CAMK1D: variants seen among roughly 807,000 people sequenced by gnomAD.
The protein encoded by CAMK1D is calcium/calmodulin-dependent protein kinase type 1D.
Under a neutral mutation model 47.7 loss-of-function variants are expected in CAMK1D, and 9 were observed. The ratio of observed to expected loss-of-function variants is 0.19; its 90% CI spans 0.11 to 0.33. CAMK1D has a LOEUF of 0.33. Among genes scored for constraint, CAMK1D ranks in the 10% least tolerant of loss-of-function variants. The pLI is 1.00. For synonymous variants in CAMK1D, 184 were observed against 184.9 expected, an observed-to-expected ratio of 0.99 and a Z score of 0.04; for missense variants, 291 against 488.7, an observed-to-expected ratio of 0.60 and a Z score of 3.81.
intron 1 of CAMK1D, among the ~76,000 whole-genome samples, chr10:12,351,533 T>A (rs1023113969): frequency 2.0e-5 from 3 of 152,152 alleles, no homozygotes; most frequent in African/African-American, 7.2e-5. Context: ...GTGTGAATGC[T>A]TTCCTGTCCG....
intron 5 of CAMK1D, among the ~76,000 whole-genome samples, chr10:12,790,870 C>G (rs2130997428): frequency 6.6e-6 from 1 of 152,076 alleles, no homozygotes; most frequent in East Asian, 1.9e-4. Context: ...GTGGCATGCA[C>G]CTGTGGTCCC....
intron 1 of CAMK1D, among the ~76,000 whole-genome samples, chr10:12,508,075 C>A (rs565612850): frequency 6.6e-6 from 1 of 152,232 alleles, no homozygotes; most frequent in African/African-American, 2.4e-5. Flanking sequence ...AACGAGCATC[C>A]CGAGACACTT....
chr10:12,609,975 T>C (rs1408922625), intron 2 of CAMK1D, among the ~76,000 whole-genome samples: 3 of 152,166 alleles, frequency 2.0e-5, no homozygotes, highest in African/African-American at 4.8e-5. Flanking sequence ...TGTGCTTCCA[T>C]AAGGATCATT....
chr10:12,486,041 C>T (rs918882900), intron 1 of CAMK1D, among the ~76,000 whole-genome samples: 3 of 152,170 alleles, frequency 2.0e-5, no homozygotes, highest in Non-Finnish European at 2.9e-5. Context: ...TGTTGACGTA[C>T]GCTACAGGTC....
At chr10:12,350,979 C>A (rs554522970) in intron 1 of CAMK1D, among the ~76,000 whole-genome samples, 2 of 152,104 alleles carry the variant, frequency 1.3e-5, no homozygotes, top group Non-Finnish European at 2.9e-5. Flanking sequence ...TTGTTGGGTG[C>A]CCTTTCTTTC....
intron 1 of CAMK1D, among the ~76,000 whole-genome samples, chr10:12,404,033 T>G (rs1296324057): frequency 6.6e-6 from 1 of 151,468 alleles, no homozygotes; most frequent in Non-Finnish European, 1.5e-5. Flanking sequence ...GCATGTAGTT[T>G]TTTGAGCTTT....
intron 3 of CAMK1D, among the ~76,000 whole-genome samples, chr10:12,704,761 T>C (rs972873276): frequency 6.6e-6 from 1 of 152,238 alleles, no homozygotes; most frequent in Non-Finnish European, 1.5e-5. Flanking sequence ...TTCCTTTAAA[T>C]GTTTGAGAAC....
intron 3 of CAMK1D, among the ~76,000 whole-genome samples, chr10:12,740,204 C>T (rs1835369579): frequency 6.6e-6 from 1 of 152,196 alleles, no homozygotes; most frequent in Non-Finnish European, 1.5e-5. Flanking sequence ...CGTGGAAAGG[C>T]ACCCAGAGGC....
At chr10:12,409,546 G>T (rs1415220121) in intron 1 of CAMK1D, among the ~76,000 whole-genome samples, 1 of 152,222 alleles carries the variant, frequency 6.6e-6, no homozygotes, top group Non-Finnish European at 1.5e-5. Context: ...GGCGTCTGGA[G>T]TAGCTAGGAC....
intron 1 of CAMK1D, among the ~76,000 whole-genome samples, chr10:12,530,201 T>G (rs989064464): frequency 6.6e-6 from 1 of 152,200 alleles, no homozygotes; most frequent in South Asian, 2.1e-4. Flanking sequence ...ACTGCCCCCG[T>G]TGAACCCGGA....
chr10:12,450,517 G>T lies in CAMK1D; in HGVS notation c.92+100607G>T, dbSNP rs944844704. On this transcript the variant is annotated intron_variant, in intron 1 of 10. Coordinates refer to ENST00000619168, the MANE Select transcript of CAMK1D (RefSeq NM_153498.4). Reference sequence around the variant, plus strand: ...TGAAATGGAAATCTGGAAGTTATTTGGTTAAGAGAATAAATAGGGATGGGT... The same window carrying T: ...TGAAATGGAAATCTGGAAGTTATTTTGTTAAGAGAATAAATAGGGATGGGT... Among the ~76,000 whole-genome samples, 9 of 152,300 alleles carry T rather than the reference G, an allele frequency of 5.9e-5. No homozygotes were observed. In the South Asian group the frequency reaches 1.0e-3, roughly 18 times the overall value.
intron 1 of CAMK1D, among the ~76,000 whole-genome samples, chr10:12,404,036 TGA>T (rs1357549873): frequency 5.9e-5 from 9 of 151,328 alleles, no homozygotes; most frequent in Non-Finnish European, 1.2e-4. Context: ...TGTAGTTTTT[TGA>T]GCTTTTCTTT....
chr10:12,646,319 C>G (rs1436705136), intron 2 of CAMK1D, among the ~76,000 whole-genome samples: 1 of 152,182 alleles, frequency 6.6e-6, no homozygotes, highest in Non-Finnish European at 1.5e-5. Flanking sequence ...AGCACAATTA[C>G]AAACAAATTT....
chr10:12,801,326 T>TATCTA (rs150163935), intron 6 of CAMK1D, among the ~76,000 whole-genome samples: 1 of 121,148 alleles, frequency 8.3e-6, no homozygotes, highest in African/African-American at 3.8e-5. Context: ...TCTATCTATC[T>TATCTA]ATCTATCTAT....
intron 1 of CAMK1D, among the ~76,000 whole-genome samples, chr10:12,535,825 G>A (rs537381393): frequency 2.0e-4 from 30 of 152,322 alleles, no homozygotes; most frequent in African/African-American, 7.2e-4. Flanking sequence ...ACACTAAGAA[G>A]CAAGTGTAGA....
chr10:12,355,015 T>A (rs556236236), intron 1 of CAMK1D, among the ~76,000 whole-genome samples: 89 of 151,658 alleles, frequency 5.9e-4, no homozygotes, highest in African/African-American at 1.8e-3. Context: ...CTAACTTTTT[T>A]ATTTTTTTGT....
intron 2 of CAMK1D, among the ~76,000 whole-genome samples, chr10:12,641,497 C>T (rs1839664490): frequency 1.3e-5 from 2 of 151,498 alleles, no homozygotes; most frequent in African/African-American, 4.9e-5. Context: ...TGGTGTGCAC[C>T]TGTAGTCCTG....
rs35061502 is a variant in CAMK1D, at chr10:12,548,447, CTT to C, written c.93-4757_93-4756del. On this transcript the variant is annotated intron_variant, in intron 1 of 10. Transcript: ENST00000619168. ...ATAACATAAACTTTACCATTTTAAG[CTT>C]TTTTTTTTTTTTTTTTTTTTGCTGG... 4.5e-3 allele frequency among the ~76,000 whole-genome samples: 366 copies of C among 81,186 alleles called. 1 individual carries two copies. The highest frequency in any genetic ancestry group is 0.015 in the African/African-American group (306 of 20,558). The allele number at this position is 81,186 out of a possible 152,430, so 53.3% of individuals were successfully genotyped here. A position where few individuals can be genotyped will look rare whatever the true frequency, so the allele number is the denominator to read the frequency against.
rs1834217193 is a variant in CAMK1D, at chr10:12,486,406, C to T, written c.93-66819C>T. Among the ~76,000 whole-genome samples the T allele has an allele frequency of 2.0e-5, 3 of 152,284 alleles. No homozygotes were observed. In the South Asian group the frequency reaches 6.2e-4, roughly 32 times the overall value. ...ATCTCCTGACCTCGTGATCTGCCTG[C>T]CTCGGTCTCCCAAAGTGCTGGGACT... On this transcript the variant is annotated intron_variant, in intron 1 of 10. Coordinates refer to ENST00000619168, the MANE Select transcript of CAMK1D (RefSeq NM_153498.4).
Sources: gnomAD v4.1 joint callset for allele counts (sites outside exome capture counted in the v4.1 genomes callset) on GRCh38, gnomAD v4.1.1 for gene constraint, MANE v1.5 for transcripts, NCBI Gene and HGNC (gene_info 2026-07-23, HGNC 2026-07-21) for gene names.